The following LRRC7 variants were observed in gnomAD, a reference collection of about 807,000 sequenced individuals.
LRRC7 encodes the protein leucine rich repeat containing 7.
LRRC7 carries 23 observed loss-of-function variants against 175.7 expected under a neutral mutation model. That is an observed-to-expected ratio of 0.13 (90% CI 0.09 to 0.19). The LOEUF (loss-of-function observed/expected upper bound fraction) is 0.19, where lower values mean the gene tolerates loss of function less well. Among genes scored for constraint, LRRC7 ranks in the 10% least tolerant of loss-of-function variants. The probability of loss-of-function intolerance (pLI) is 1.00; values close to 1 mark genes in which losing one functional copy is unlikely to be tolerated. For missense variants in LRRC7, 1,354 were observed against 1,904.7 expected, an observed-to-expected ratio of 0.71 and a Z score of 5.38; for synonymous variants, 685 against 680.9, an observed-to-expected ratio of 1.01 and a Z score of -0.09.
intron 26 of LRRC7, among the ~76,000 whole-genome samples, chr1:70,119,257 GAT>G (rs1374614403): frequency 1.3e-5 from 2 of 152,008 alleles, no homozygotes; most frequent in African/African-American, 4.8e-5. Context: ...GCAAAGAGAA[GAT>G]GTCCCTCTCT....
At chr1:69,704,150 C>A (rs1186004527) in intron 2 of LRRC7, among the ~76,000 whole-genome samples, 3 of 151,932 alleles carry the variant, frequency 2.0e-5, no homozygotes, top group Admixed American at 1.3e-4. Context: ...GATAAGTTAT[C>A]TTTTTCTTTT....
chr1:70,053,127 G>A lies in LRRC7; in HGVS notation c.4212G>A (p.Pro1404=), dbSNP rs760228265. 1.7e-5 allele frequency: 27 copies of A among 1,607,422 alleles called. No homozygotes were observed. Among genetic ancestry groups the A allele is most frequent in the South Asian group, 1.1e-4 (10 of 89,660 alleles). ...PYPLGRRDVP[P]DTITKKAGSH... is the part of the protein sequence containing the mutation. ...CACTTGGGAGGCGGGATGTACCTCC[G>A]GACACCATTACTAAGAAGGTAACCA... The change falls in exon 23 of 27, where the codon CCG becomes CCA. Residue 1404 remains proline (P), a synonymous_variant. Coordinates refer to ENST00000651989, the MANE Select transcript of LRRC7 (RefSeq NM_001370785.2).
chr1:69,797,362 A>T (rs1400872451), intron 4 of LRRC7, among the ~76,000 whole-genome samples: 1 of 152,110 alleles, frequency 6.6e-6, no homozygotes, highest in Non-Finnish European at 1.5e-5. Flanking sequence ...AGAATAACAA[A>T]CTTCATTTTG....
In LRRC7 at chr1:70,140,547, T is replaced by C. The variant is rs1667024216; in HGVS notation, c.*18660T>C. On this transcript the variant is annotated 3_prime_UTR_variant, in exon 27 of 27. Transcript: ENST00000651989. ...ACTGGTTCCCATGGCAACAAGTCTG[T>C]TGGCAGAGAAAGTATGACTCTGCTT... 6.6e-6 allele frequency: 1 copy of C among 152,190 alleles called. No individual in the cohort carries two copies. The highest frequency in any genetic ancestry group is 2.4e-5 in the African/African-American group (1 of 41,458). The allele number at this position is 152,190 out of a possible 1,614,324, so 9.4% of individuals were successfully genotyped here. A position where few individuals can be genotyped will look rare whatever the true frequency, so the allele number is the denominator to read the frequency against.
At chr1:70,067,224 A>C (rs887449711) in intron 23 of LRRC7, among the ~76,000 whole-genome samples, 1 of 151,936 alleles carries the variant, frequency 6.6e-6, no homozygotes. Flanking sequence ...CATTTTCTCC[A>C]ACTCTGTAGC....
At chr1:70,097,026 A>G (rs1415942825) in intron 25 of LRRC7, among the ~76,000 whole-genome samples, 1 of 152,226 alleles carries the variant, frequency 6.6e-6, no homozygotes, top group African/African-American at 2.4e-5. Context: ...GTGTACAACT[A>G]CAGTGTCCTT....
At chr1:69,729,807 T>G (rs1667369026) in intron 2 of LRRC7, among the ~76,000 whole-genome samples, 1 of 151,396 alleles carries the variant, frequency 6.6e-6, no homozygotes, top group Non-Finnish European at 1.5e-5. Context: ...AGACTCTGTG[T>G]GGGGGTTCCA....
At chr1:69,659,749 G>A (rs1185955668) in intron 1 of LRRC7, among the ~76,000 whole-genome samples, 1 of 11,996 alleles carries the variant, frequency 8.3e-5, no homozygotes, top group East Asian at 2.2e-3. Flanking sequence ...TCAGAAAGAA[G>A]GAAGATAATC....
intron 1 of LRRC7, among the ~76,000 whole-genome samples, chr1:69,648,576 C>A (rs1483709215): frequency 6.6e-6 from 1 of 152,200 alleles, no homozygotes; most frequent in Non-Finnish European, 1.5e-5. Context: ...CCTTCACTAG[C>A]AGCAGCTACA....
At chr1:69,582,073 AC>A (rs1024868338) in intron 1 of LRRC7, among the ~76,000 whole-genome samples, 1 of 152,080 alleles carries the variant, frequency 6.6e-6, no homozygotes, top group Non-Finnish European at 1.5e-5. Flanking sequence ...CTTCATCTTC[AC>A]ATTTTTTTTC....
chr1:69,768,467 TG>T (rs1423461409), intron 3 of LRRC7, among the ~76,000 whole-genome samples: 1 of 152,174 alleles, frequency 6.6e-6, no homozygotes, highest in Non-Finnish European at 1.5e-5. Flanking sequence ...TTATTCAGCC[TG>T]GACAAAATTT....
intron 1 of LRRC7, among the ~76,000 whole-genome samples, chr1:69,605,037 G>A (rs1647304293): frequency 6.6e-6 from 1 of 152,182 alleles, no homozygotes; most frequent in South Asian, 2.1e-4. Context: ...ACCTTAGTGA[G>A]GATGTGATAT....
At chr1:69,754,367 A>G (rs574682883) in intron 2 of LRRC7, among the ~76,000 whole-genome samples, 2 of 152,154 alleles carry the variant, frequency 1.3e-5, no homozygotes, top group East Asian at 3.9e-4. Context: ...TGTTCAGGAA[A>G]TGTTTAGGGT....
rs1026862871 is a variant in LRRC7 at position 70,143,837 on chromosome 1, A to G, written c.*21950A>G. ...GTGATTTTGAGCTTAAATTATATATAAAAAATTGTCATTTTTGTATGTGTT... is the reference window on the plus strand; with the variant it reads ...GTGATTTTGAGCTTAAATTATATATGAAAAATTGTCATTTTTGTATGTGTT... On this transcript the variant is annotated 3_prime_UTR_variant, in exon 27 of 27. Coordinates refer to ENST00000651989, the MANE Select transcript of LRRC7 (RefSeq NM_001370785.2). 1 of 152,158 alleles carries G rather than the reference A, an allele frequency of 6.6e-6. No homozygotes were observed. Among genetic ancestry groups the G allele is most frequent in the African/African-American group, 2.4e-5 (1 of 41,416 alleles). 9.4% of individuals were successfully genotyped at this position (152,158 alleles called of 1,614,324 possible).
At chr1:69,953,596 C>T (rs910101922) in intron 8 of LRRC7, among the ~76,000 whole-genome samples, 3 of 152,148 alleles carry the variant, frequency 2.0e-5, no homozygotes, top group African/African-American at 7.2e-5. Flanking sequence ...TGACTCTTTC[C>T]ATTTCCTGTT....
chr1:69,666,156 A>T (rs1410023648), intron 1 of LRRC7, among the ~76,000 whole-genome samples: 1 of 152,124 alleles, frequency 6.6e-6, no homozygotes, highest in Non-Finnish European at 1.5e-5. Flanking sequence ...AACCATCTGT[A>T]CATCCCTGGG....
rs536773475 is a variant in LRRC7 at position 69,960,799 on chromosome 1, T to C, written c.712-19580T>C. On this transcript the variant is annotated intron_variant, in intron 8 of 26. Coordinates refer to ENST00000651989, the MANE Select transcript of LRRC7 (RefSeq NM_001370785.2). ...ACATCTCTTTATGTTAAAAAAAAAC[T>C]CTCAATAAACTAGGTGTTCAAGGAA... Among the ~76,000 whole-genome samples, 137 of 149,928 alleles carry C rather than the reference T, an allele frequency of 9.1e-4. 1 individual carries two copies. The highest frequency in any genetic ancestry group is 3.2e-3 in the African/African-American group (128 of 40,268).
intron 2 of LRRC7, among the ~76,000 whole-genome samples, chr1:69,680,355 A>C: frequency 6.6e-6 from 1 of 152,118 alleles, no homozygotes; most frequent in East Asian, 1.9e-4. Flanking sequence ...TATAGTTCAT[A>C]ATCAAGTTTT....
At chr1:69,722,600 C>A (rs181588201) in intron 2 of LRRC7, among the ~76,000 whole-genome samples, 17 of 151,966 alleles carry the variant, frequency 1.1e-4, no homozygotes, top group Non-Finnish European at 1.3e-4. Flanking sequence ...TATTTAATAT[C>A]GTTTGCCCAC....
Sources: allele counts gnomAD v4.1 joint callset (sites outside exome capture counted in the v4.1 genomes callset), GRCh38; gene constraint gnomAD v4.1.1; transcripts MANE v1.5; gene names NCBI Gene and HGNC (gene_info 2026-07-23, HGNC 2026-07-21).